Variants in RSRC1 observed in about 807,000 individuals in gnomAD.
RSRC1 encodes the protein arginine and serine rich coiled-coil 1.
RSRC1 carries 39 observed loss-of-function variants against 49.1 expected under a neutral mutation model. The observed-to-expected ratio is 0.79, with a 90% CI of 0.61 to 1.04. The LOEUF (loss-of-function observed/expected upper bound fraction) is 1.04, where lower values mean the gene tolerates loss of function less well. Ranked by LOEUF, RSRC1 falls within the 50% of genes least tolerant of loss-of-function variation. The pLI, the probability that RSRC1 is intolerant of heterozygous loss-of-function variation, is 0.00. For synonymous variants in RSRC1, 143 were observed against 130.8 expected, an observed-to-expected ratio of 1.09 and a Z score of -0.63; for missense variants, 388 against 402.4, an observed-to-expected ratio of 0.96 and a Z score of 0.31.
At chr3:158,167,432 C>A (rs2108232930) in intron 3 of RSRC1, among the ~76,000 whole-genome samples, 2 of 152,270 alleles carry the variant, frequency 1.3e-5, no homozygotes, top group African/African-American at 4.8e-5. Context: ...CTCAAGTGAT[C>A]CACCCGCCTT....
chr3:158,388,605 G>GTTTT lies in RSRC1; in HGVS notation c.583+33700_583+33703dup, dbSNP rs1225891559. The stretch of plus-strand genomic sequence containing the variant: ...GCATTTGGGGAGCCAAATTAGCCGT[G>GTTTT]TTTTTTGTTTTTTTTTTTTTTTTGA... On this transcript the variant is annotated intron_variant, in intron 6 of 9. Coordinates refer to ENST00000611884, the MANE Select transcript of RSRC1 (RefSeq NM_001271838.2). Among the ~76,000 whole-genome samples the GTTTT allele has an allele frequency of 6.2e-3, 612 of 99,136 alleles. 7 individuals carry two copies. The highest frequency in any genetic ancestry group is 0.023 in the African/African-American group (580 of 24,716). 65.0% of individuals were successfully genotyped at this position (99,136 alleles called of 152,430 possible).
At chr3:158,395,271 G>T (rs766497179) in intron 6 of RSRC1, among the ~76,000 whole-genome samples, 1 of 152,008 alleles carries the variant, frequency 6.6e-6, no homozygotes, top group Non-Finnish European at 1.5e-5. Context: ...ATAGGAATGG[G>T]CAAAGATTTC....
intron 6 of RSRC1, among the ~76,000 whole-genome samples, chr3:158,376,070 C>T (rs1343807658): frequency 6.8e-6 from 1 of 146,882 alleles, no homozygotes; most frequent in Non-Finnish European, 1.5e-5. Flanking sequence ...CTCCCTCCCT[C>T]CCTCTCGACC....
intron 6 of RSRC1, among the ~76,000 whole-genome samples, chr3:158,442,385 G>T (rs947259699): frequency 1.4e-4 from 21 of 152,044 alleles, no homozygotes; most frequent in African/African-American, 5.1e-4. Flanking sequence ...TAAATCATTT[G>T]TTGTCATTTT....
intron 6 of RSRC1, among the ~76,000 whole-genome samples, chr3:158,410,648 G>A (rs1423796971): frequency 6.6e-6 from 1 of 152,064 alleles, no homozygotes; most frequent in African/African-American, 2.4e-5. Context: ...CTATCTAGCT[G>A]TCTATCTCTA....
At chr3:158,180,530 T>C (rs974726913) in intron 3 of RSRC1, among the ~76,000 whole-genome samples, 34 of 148,790 alleles carry the variant, frequency 2.3e-4, no homozygotes, top group Admixed American at 2.1e-4. Flanking sequence ...GTCACAATCA[T>C]GGCTCACTGT....
intron 2 of RSRC1, 105 bp from the exon 3 acceptor site, chr3:158,123,761 T>G (rs1264709946): frequency 9.4e-7 from 1 of 1,060,008 alleles, no homozygotes; most frequent in East Asian, 2.6e-5. Flanking sequence ...CAGGAAACAG[T>G]GAGACAGTAA....
chr3:158,504,614 A>G (rs1028452134), intron 7 of RSRC1, among the ~76,000 whole-genome samples: 1 of 152,186 alleles, frequency 6.6e-6, no homozygotes, highest in Non-Finnish European at 1.5e-5. Context: ...CTTTGGTCAT[A>G]TCATTTAACC....
intron 5 of RSRC1, among the ~76,000 whole-genome samples, chr3:158,318,114 C>G (rs1728569579): frequency 6.6e-6 from 1 of 151,782 alleles, no homozygotes; most frequent in African/African-American, 2.4e-5. Flanking sequence ...TTATGTGTGG[C>G]CCAAGGCAAT....
At chr3:158,530,043 A>T (rs372433975) in intron 7 of RSRC1, among the ~76,000 whole-genome samples, 1 of 151,716 alleles carries the variant, frequency 6.6e-6, no homozygotes, top group South Asian at 2.1e-4. Context: ...TCCTCCTCCT[A>T]TCATTTCCAC....
intron 6 of RSRC1, among the ~76,000 whole-genome samples, chr3:158,427,666 A>G (rs1412304926): frequency 8.6e-5 from 13 of 151,710 alleles, no homozygotes; most frequent in Non-Finnish European, 1.8e-4. Flanking sequence ...TTTTACTGGC[A>G]TTTCTTAGTG....
chr3:158,115,082 C>G (rs537522292), intron 1 of RSRC1, among the ~76,000 whole-genome samples: 1 of 152,194 alleles, frequency 6.6e-6, no homozygotes, highest in East Asian at 1.9e-4. Flanking sequence ...TGCTGGTTTT[C>G]AAGAGGAATT....
intron 5 of RSRC1, among the ~76,000 whole-genome samples, chr3:158,311,059 GC>G (rs1455683446): frequency 6.6e-6 from 1 of 151,794 alleles, no homozygotes; most frequent in Non-Finnish European, 1.5e-5. Context: ...ACACGTGCTT[GC>G]TTTTGTCAGT....
chr3:158,496,301 T>G (rs1246861690), intron 7 of RSRC1, among the ~76,000 whole-genome samples: 1 of 152,288 alleles, frequency 6.6e-6, no homozygotes, highest in African/African-American at 2.4e-5. Context: ...CAAGCTTTAG[T>G]GTGCCTCAAA....
At chr3:158,171,368 G>C (rs1330734565) in intron 3 of RSRC1, among the ~76,000 whole-genome samples, 1 of 152,066 alleles carries the variant, frequency 6.6e-6, no homozygotes, top group Admixed American at 6.6e-5. Flanking sequence ...AGGAAAATGT[G>C]ACTAATATTT....
intron 4 of RSRC1, among the ~76,000 whole-genome samples, chr3:158,219,317 C>T (rs1313343455): frequency 6.6e-6 from 1 of 151,314 alleles, no homozygotes; most frequent in Non-Finnish European, 1.5e-5. Flanking sequence ...CATTCTCCTC[C>T]TCTTTTTCCT....
intron 4 of RSRC1, among the ~76,000 whole-genome samples, chr3:158,267,438 CT>C (rs1725253567): frequency 6.6e-6 from 1 of 151,862 alleles, no homozygotes; most frequent in South Asian, 2.1e-4. Context: ...TTCAGATATT[CT>C]GTTTGTTCAT....
intron 6 of RSRC1, among the ~76,000 whole-genome samples, chr3:158,358,440 C>G (rs1731276212): frequency 6.6e-6 from 1 of 152,230 alleles, no homozygotes; most frequent in East Asian, 1.9e-4. Context: ...AATTCTATTA[C>G]TTCTGTAGCG....
intron 7 of RSRC1, among the ~76,000 whole-genome samples, chr3:158,501,717 C>T (rs1264740340): frequency 3.3e-5 from 5 of 152,082 alleles, no homozygotes; most frequent in African/African-American, 1.2e-4. Flanking sequence ...TTTTCTGCCC[C>T]TTTACTTTAA....
Sources: allele counts gnomAD v4.1 joint callset (sites outside exome capture counted in the v4.1 genomes callset), GRCh38; gene constraint gnomAD v4.1.1; transcripts MANE v1.5; gene names NCBI Gene and HGNC (gene_info 2026-07-23, HGNC 2026-07-21).